The following PDXDC1 variants were observed in gnomAD, a reference collection of about 807,000 sequenced individuals.
PDXDC1 encodes the protein pyridoxal dependent decarboxylase domain containing 1, also known as pyridoxal-dependent decarboxylase domain-containing protein 1.
PDXDC1 carries 42 observed loss-of-function variants against 100.1 expected under a neutral mutation model. The observed-to-expected ratio is 0.42, with a 90% CI of 0.33 to 0.54. PDXDC1 has a LOEUF of 0.54. Ranked by LOEUF, PDXDC1 falls within the 20% of genes least tolerant of loss-of-function variation. The probability of loss-of-function intolerance (pLI) is 0.10; values close to 1 mark genes in which losing one functional copy is unlikely to be tolerated. For missense variants in PDXDC1, 636 were observed against 979.2 expected (o/e 0.65, Z 4.68); for synonymous variants, 260 against 371.7 (o/e 0.70, Z 3.46).
intron 16 of PDXDC1, among the ~76,000 whole-genome samples, chr16:15,066,358 C>T (rs1465910295): frequency 2.0e-5 from 3 of 152,158 alleles, no homozygotes; most frequent in Non-Finnish European, 4.4e-5. Context: ...GCCGGCTGGG[C>T]ACGGTGGCTC....
At chr16:14,998,512 T>C (rs1972483079) in intron 3 of PDXDC1, 107 bp downstream of exon 3, 1 of 1,228,128 alleles carries the variant, frequency 8.1e-7, no homozygotes. Context: ...TGGCACAATC[T>C]GGGCTCGCTG....
At chr16:15,087,066 G>A (rs1198927930) in intron 16 of PDXDC1, among the ~76,000 whole-genome samples, 5 of 152,054 alleles carry the variant, frequency 3.3e-5, no homozygotes, top group Non-Finnish European at 7.4e-5. Context: ...AATTTGAAAC[G>A]CAATGTATAA....
the PDXDC1 span, among the ~76,000 whole-genome samples, chr16:15,147,836 C>T: frequency 1.3e-5 from 2 of 152,094 alleles, no homozygotes; most frequent in African/African-American, 2.4e-5. Flanking sequence ...TTACAGGCGC[C>T]CACCACCACA....
At chr16:15,128,369 T>C (rs1019104160) in intron 16 of PDXDC1, 7 of 1,601,752 alleles carry the variant, frequency 4.4e-6, no homozygotes, top group Middle Eastern at 2.3e-4. Context: ...TACAGCATGA[T>C]GCCCACGTGG....
At chr16:15,003,987 A>G (rs1973735846) in intron 4 of PDXDC1, among the ~76,000 whole-genome samples, 200 bp from the exon 5 acceptor site, 1 of 151,878 alleles carries the variant, frequency 6.6e-6, no homozygotes, top group African/African-American at 2.4e-5. Flanking sequence ...TCCATCTCAG[A>G]AAAAAAAATA....
At chr16:15,044,218 T>A in intron 16 of PDXDC1, 1 of 688,494 alleles carries the variant, frequency 1.5e-6, no homozygotes, top group Non-Finnish European at 2.6e-6. Context: ...TTCTCTGTGC[T>A]GCTCCAAGTG....
chr16:14,999,589 A>G (rs1198251617), intron 3 of PDXDC1, among the ~76,000 whole-genome samples: 1 of 152,230 alleles, frequency 6.6e-6, no homozygotes, highest in Non-Finnish European at 1.5e-5. Flanking sequence ...CTGGTGTGTC[A>G]TACTTAGTTC....
At chr16:15,041,089 A>G (rs1418688547), downstream of PDXDC1, 3 of 1,602,442 alleles carry the variant, frequency 1.9e-6, no homozygotes, top group African/African-American at 2.7e-5. Context: ...ATTACTGGAA[A>G]GTGGTTTTCG....
At chr16:15,065,335 C>G in intron 16 of PDXDC1, 2 of 1,613,732 alleles carry the variant, frequency 1.2e-6, no homozygotes, top group Non-Finnish European at 1.7e-6. Context: ...GATTGTTCCT[C>G]TCAATGATGG....
chr16:14,995,602 C>CT (rs1408368060), intron 1 of PDXDC1, among the ~76,000 whole-genome samples: 2 of 152,276 alleles, frequency 1.3e-5, no homozygotes, highest in African/African-American at 4.8e-5. Context: ...CTAAAATTCT[C>CT]TTTTTTTGTT....
rs1034730679 is a variant in PDXDC1, at chr16:15,137,596, C to T, written c.1400-1283C>T. ...CTGCTCCTCCTGGCTCCACCCCACA[C>T]ACCCCCATCCGCCCGCCGCACTCAC... On this transcript the variant is annotated intron_variant, in intron 16 of 16. Coordinates refer to the PDXDC1 transcript ENST00000535621. The T allele has an allele frequency of 1.5e-5, 20 of 1,365,130 alleles. No homozygotes were observed. The African/African-American group carries it at 2.0e-4, about 14-fold the overall frequency. The allele number at this position is 1,365,130 out of a possible 1,614,324, so 84.6% of individuals were successfully genotyped here. A position where few individuals can be genotyped will look rare whatever the true frequency, so the allele number is the denominator to read the frequency against.
intron 16 of PDXDC1, among the ~76,000 whole-genome samples, chr16:15,106,703 C>G (rs1403471056): frequency 7.4e-6 from 1 of 135,856 alleles, no homozygotes; most frequent in Non-Finnish European, 1.7e-5. Context: ...TGCAGTGAGC[C>G]AAGATCACGT....
In PDXDC1 at chr16:15,128,286, G is replaced by A. The variant is rs753952341; in HGVS notation, c.1400-10593G>A. 4 of 1,610,836 alleles carry A rather than the reference G, an allele frequency of 2.5e-6. No individual in the cohort carries two copies. The African/African-American group carries it at 4.0e-5, about 16-fold the overall frequency. On this transcript the variant is annotated intron_variant, in intron 16 of 16. Coordinates refer to the PDXDC1 transcript ENST00000535621. ...GGCTGTGCGGGGTGGCGATCCGGAA[G>A]ATGTCCAGGCTGTTGCGGTGGAAGG...
At chr16:15,127,022 C>G (rs1023420294) in intron 16 of PDXDC1, 3 of 344,814 alleles carry the variant, frequency 8.7e-6, no homozygotes, top group Admixed American at 8.0e-5. Context: ...AACTCCTGGA[C>G]TCAGATCCGC....
intron 16 of PDXDC1, among the ~76,000 whole-genome samples, chr16:15,123,244 C>T (rs1393238784): frequency 1.3e-5 from 2 of 151,770 alleles, no homozygotes; most frequent in East Asian, 1.9e-4. Flanking sequence ...CATCTCAGTC[C>T]CCCACGCTCC....
chr16:15,139,856 G>C (rs1040691915), downstream of PDXDC1, among the ~76,000 whole-genome samples: 20 of 152,030 alleles, frequency 1.3e-4, no homozygotes, highest in Non-Finnish European at 2.8e-4. Context: ...CCAGAACTTT[G>C]GGAGGCCAAG....
intron 16 of PDXDC1, among the ~76,000 whole-genome samples, chr16:15,076,238 A>G (rs1351820895): frequency 6.6e-6 from 1 of 152,200 alleles, no homozygotes; most frequent in Non-Finnish European, 1.5e-5. Context: ...AAGTGGTAAA[A>G]TGCAGAAATT....
chr16:15,149,987 C>G, the PDXDC1 span, among the ~76,000 whole-genome samples: 1 of 152,066 alleles, frequency 6.6e-6, no homozygotes, highest in Non-Finnish European at 1.5e-5. Flanking sequence ...ATCCAGGCTG[C>G]AGGAGCCAGT....
chr16:15,142,257 C>G (rs1377274437), downstream of PDXDC1, among the ~76,000 whole-genome samples: 3 of 151,992 alleles, frequency 2.0e-5, no homozygotes, highest in African/African-American at 7.2e-5. Flanking sequence ...CCCCACCCAT[C>G]CCACTGTGAA....
Sources: allele counts gnomAD v4.1 joint callset (sites outside exome capture counted in the v4.1 genomes callset), GRCh38; gene constraint gnomAD v4.1.1; transcripts MANE v1.5; gene names NCBI Gene and HGNC (gene_info 2026-07-23, HGNC 2026-07-21).